NCK1: variants seen among roughly 807,000 people sequenced by gnomAD.
NCK1 encodes NCK adaptor protein 1.
A neutral mutation model predicts 36.6 loss-of-function variants in NCK1; 19 were observed. That is an observed-to-expected ratio of 0.52 (90% confidence interval 0.36 to 0.76). NCK1 has a LOEUF of 0.76. NCK1 is among the 30% of genes least tolerant of loss of function. The pLI is 0.00. For missense variants in NCK1, 358 were observed against 445.6 expected (o/e 0.80, Z 1.77); for synonymous variants, 165 against 156.0 (o/e 1.06, Z -0.43).
At chr3:136,922,631 GA>G (rs1231452924) in intron 1 of NCK1, among the ~76,000 whole-genome samples, 3 of 152,190 alleles carry the variant, frequency 2.0e-5, no homozygotes, top group African/African-American at 7.2e-5. Flanking sequence ...TTACAACTCT[GA>G]AATACTATTT....
chr3:136,935,681 G>A (rs1376619945), intron 2 of NCK1, among the ~76,000 whole-genome samples: 1 of 152,130 alleles, frequency 6.6e-6, no homozygotes, highest in Non-Finnish European at 1.5e-5. Context: ...GGATTGTGAG[G>A]ATTTGATGTA....
At chr3:136,864,072 G>C (rs568083650) in intron 1 of NCK1, among the ~76,000 whole-genome samples, 1 of 151,838 alleles carries the variant, frequency 6.6e-6, no homozygotes, top group Admixed American at 6.6e-5. Context: ...CTGCACTCCA[G>C]CCTGGGCGAC....
At chr3:136,940,048 A>G (rs1940631443) in intron 2 of NCK1, among the ~76,000 whole-genome samples, 1 of 151,798 alleles carries the variant, frequency 6.6e-6, no homozygotes, top group Non-Finnish European at 1.5e-5. Flanking sequence ...ATTTTTGTAG[A>G]GACAAGGTCT....
At chr3:136,912,056 G>A (rs1311924702) in intron 1 of NCK1, among the ~76,000 whole-genome samples, 1 of 151,786 alleles carries the variant, frequency 6.6e-6, no homozygotes, top group Non-Finnish European at 1.5e-5. Flanking sequence ...AATGTGTCTT[G>A]CTGTGCATCT....
At chr3:136,900,988 C>T (rs1939526780) in intron 1 of NCK1, among the ~76,000 whole-genome samples, 1 of 152,116 alleles carries the variant, frequency 6.6e-6, no homozygotes, top group Admixed American at 6.5e-5. Context: ...TCGTCTTGTT[C>T]CAGTTCTTAG....
chr3:136,869,303 T>C (rs1938539519), intron 1 of NCK1, among the ~76,000 whole-genome samples: 1 of 152,094 alleles, frequency 6.6e-6, no homozygotes, highest in Non-Finnish European at 1.5e-5. Context: ...TCCCAGCGCT[T>C]TGGGAGGCTG....
chr3:136,863,202 G>C (rs557053298), intron 1 of NCK1, among the ~76,000 whole-genome samples: 48 of 152,232 alleles, frequency 3.2e-4, no homozygotes, highest in African/African-American at 1.1e-3. Flanking sequence ...AAAGAATTAG[G>C]TTAAAGAGAA....
chr3:136,911,532 T>C (rs1211282898), intron 1 of NCK1, among the ~76,000 whole-genome samples: 2 of 152,222 alleles, frequency 1.3e-5, no homozygotes, highest in Non-Finnish European at 2.9e-5. Context: ...CATTTTCATG[T>C]CTTTTTTTGA....
At chr3:136,871,468 A>T (rs1313664786) in intron 1 of NCK1, among the ~76,000 whole-genome samples, 1 of 152,192 alleles carries the variant, frequency 6.6e-6, no homozygotes, top group African/African-American at 2.4e-5. Flanking sequence ...CACAAATTTA[A>T]ATGTATAGAA....
At chr3:136,877,155 A>G (rs1560032183) in intron 1 of NCK1, among the ~76,000 whole-genome samples, 1 of 152,186 alleles carries the variant, frequency 6.6e-6, no homozygotes, top group East Asian at 1.9e-4. Flanking sequence ...TAATTATCAA[A>G]TGAATCTAAT....
rs370629482 is a variant in NCK1 at position 136,950,164 on chromosome 3, G to A, written c.*1711G>A. Among the ~76,000 whole-genome samples the A allele has an allele frequency of 3.3e-5, 5 of 152,208 alleles. 1 individual carries two copies. Among genetic ancestry groups the A allele is most frequent in the African/African-American group, 1.2e-4 (5 of 41,564 alleles). On this transcript the variant is annotated 3_prime_UTR_variant, in exon 4 of 4. Transcript: ENST00000481752. Reference sequence around the variant, plus strand: ...ACTTTAAATTGTTGTAGGATGACTAGTAGTAAACATCATCTTAATTTTTAA... The same window carrying A: ...ACTTTAAATTGTTGTAGGATGACTAATAGTAAACATCATCTTAATTTTTAA...
chr3:136,902,618 C>G (rs1344045595), intron 1 of NCK1, among the ~76,000 whole-genome samples: 1 of 152,138 alleles, frequency 6.6e-6, no homozygotes, highest in Admixed American at 6.5e-5. Context: ...GGAGAATGTT[C>G]TATATGCTGA....
chr3:136,899,087 G>A (rs952716954), intron 1 of NCK1: 11 of 179,246 alleles, frequency 6.1e-5, no homozygotes, highest in African/African-American at 2.6e-4. Flanking sequence ...GTAGCATTTG[G>A]ATGCAAAGGT....
chr3:136,868,728 A>G (rs888956106), intron 1 of NCK1, among the ~76,000 whole-genome samples: 3 of 152,200 alleles, frequency 2.0e-5, no homozygotes, highest in Non-Finnish European at 2.9e-5. Flanking sequence ...GATAATGCCA[A>G]TTAATCTTTG....
intron 1 of NCK1, chr3:136,867,628 T>C (rs940677401): frequency 6.6e-6 from 1 of 152,022 alleles, no homozygotes; most frequent in African/African-American, 2.4e-5. Context: ...AATCATAGAA[T>C]TATAGAGCAT....
intron 1 of NCK1, among the ~76,000 whole-genome samples, chr3:136,905,007 C>CTTTTTTTTTTTTTTTTTTTTTTTTTTT: frequency 7.8e-6 from 1 of 128,330 alleles, no homozygotes. Flanking sequence ...TTGGTTTTTC[C>CTTTTTTTTTTTTTTTTTTTTTTTTTTT]TTTTTTTTTT....
intron 1 of NCK1, among the ~76,000 whole-genome samples, chr3:136,867,795 C>T (rs1270495322): frequency 1.3e-5 from 2 of 152,162 alleles, no homozygotes; most frequent in Admixed American, 6.5e-5. Flanking sequence ...GTTTATGAAA[C>T]CATACTACTT....
At chr3:136,918,638 A>G (rs1385305008) in intron 1 of NCK1, among the ~76,000 whole-genome samples, 2 of 152,204 alleles carry the variant, frequency 1.3e-5, no homozygotes, top group Non-Finnish European at 2.9e-5. Flanking sequence ...GCAGCCCAAC[A>G]CAAATTCACA....
intron 2 of NCK1, among the ~76,000 whole-genome samples, chr3:136,944,233 C>T (rs991659706): frequency 6.7e-6 from 1 of 150,088 alleles, no homozygotes; most frequent in African/African-American, 2.5e-5. Flanking sequence ...ATTCTCCTGC[C>T]TCAGCCTCCT....
Sources: gnomAD v4.1 joint callset for allele counts (sites outside exome capture counted in the v4.1 genomes callset) on GRCh38, gnomAD v4.1.1 for gene constraint, MANE v1.5 for transcripts, NCBI Gene and HGNC (gene_info 2026-07-23, HGNC 2026-07-21) for gene names.